The following TPO variants were observed in gnomAD, a reference collection of about 807,000 sequenced individuals.
The protein encoded by TPO is thyroid microsomal antigen.
Under a neutral mutation model 96.9 loss-of-function variants are expected in TPO, and 78 were observed. That is an observed-to-expected ratio of 0.81 (90% confidence interval 0.67 to 0.97). The LOEUF (loss-of-function observed/expected upper bound fraction) is 0.97. Ranked by LOEUF, TPO falls within the 50% of genes least tolerant of loss-of-function variation. The pLI is 0.00. For missense variants in TPO, 1,252 were observed against 1,274.8 expected (o/e 0.98, Z 0.27); for synonymous variants, 547 against 538.0 (o/e 1.02, Z -0.23).
chr2:1,388,947 C>G (rs1661950361), intron 1 of TPO, among the ~76,000 whole-genome samples: 1 of 152,120 alleles, frequency 6.6e-6, no homozygotes, highest in Non-Finnish European at 1.5e-5. Context: ...ACACTTTTGC[C>G]CCAAATAAGT....
At chr2:1,424,414 C>T (rs756414154) in intron 3 of TPO, among the ~76,000 whole-genome samples, 5 of 152,172 alleles carry the variant, frequency 3.3e-5, no homozygotes, top group Non-Finnish European at 5.9e-5. Context: ...TGACCCACCA[C>T]CTTCCATCGT....
At chr2:1,524,934 C>G (rs1676080003) in intron 15 of TPO, among the ~76,000 whole-genome samples, 1 of 133,672 alleles carries the variant, frequency 7.5e-6, no homozygotes, top group African/African-American at 2.8e-5. Flanking sequence ...TGTGCAACCT[C>G]CTCAAATCCC....
intron 14 of TPO, chr2:1,512,388 C>T (rs1674244168): frequency 5.1e-6 from 5 of 985,342 alleles, no homozygotes; most frequent in South Asian, 4.7e-5. Context: ...TCTGCCTCTC[C>T]AGATCCTGCC....
chr2:1,404,861 G>GTCC (rs956870582), intron 1 of TPO, among the ~76,000 whole-genome samples: 3 of 152,124 alleles, frequency 2.0e-5, no homozygotes, highest in Admixed American at 6.5e-5. Flanking sequence ...TTATAATCCA[G>GTCC]TCCTTTTTTC....
At chr2:1,535,334 C>T (rs1679364029) in intron 15 of TPO, among the ~76,000 whole-genome samples, 1 of 80,300 alleles carries the variant, frequency 1.2e-5, no homozygotes, top group African/African-American at 4.6e-5. Flanking sequence ...ATCCCCCCCA[C>T]TGTATGCAAC....
intron 7 of TPO, among the ~76,000 whole-genome samples, chr2:1,470,019 T>C (rs757066099): frequency 1.3e-5 from 2 of 152,202 alleles, no homozygotes; most frequent in Non-Finnish European, 2.9e-5. Context: ...CCTCCTCATG[T>C]TGGAATTTTA....
At chr2:1,384,577 G>T (rs567439662) in intron 1 of TPO, among the ~76,000 whole-genome samples, 55 of 152,314 alleles carry the variant, frequency 3.6e-4, no homozygotes, top group African/African-American at 1.3e-3. Context: ...CTGAGACTTT[G>T]CTGAAGTTGC....
chr2:1,528,352 T>A (rs866434366), intron 15 of TPO, among the ~76,000 whole-genome samples: 889 of 49,976 alleles, frequency 0.018, 20 homozygotes, highest in African/African-American at 0.069. Context: ...ACCCCCCAAG[T>A]CCCCCCATTG....
At chr2:1,394,848 G>A (rs989178472) in intron 1 of TPO, among the ~76,000 whole-genome samples, 1 of 152,164 alleles carries the variant, frequency 6.6e-6, no homozygotes, top group African/African-American at 2.4e-5. Context: ...GATGGGCCAT[G>A]AGAGTGTTGA....
At chr2:1,517,400 T>G (rs1674819888) in intron 15 of TPO, among the ~76,000 whole-genome samples, 1 of 152,240 alleles carries the variant, frequency 6.6e-6, no homozygotes, top group Non-Finnish European at 1.5e-5. Flanking sequence ...GAAGTTGAAC[T>G]TTCATGTTAA....
intron 2 of TPO, 43 bp downstream of exon 2, chr2:1,414,545 A>C: frequency 6.4e-7 from 1 of 1,574,794 alleles, no homozygotes; most frequent in East Asian, 2.2e-5. Context: ...TTATAAAGTT[A>C]TTTTTCACAC....
At chr2:1,500,013 C>T (rs568373984) in intron 13 of TPO, among the ~76,000 whole-genome samples, 2 of 152,350 alleles carry the variant, frequency 1.3e-5, no homozygotes, top group African/African-American at 4.8e-5. Context: ...CAGCCACACC[C>T]AGAACAATTA....
intron 10 of TPO, among the ~76,000 whole-genome samples, chr2:1,490,536 G>A (rs1671680638): frequency 6.6e-6 from 1 of 152,002 alleles, no homozygotes; most frequent in Non-Finnish European, 1.5e-5. Context: ...CCTGCGGCCT[G>A]CAGTTCGAAG....
chr2:1,413,689 A>AC, intron 1 of TPO, 144 bp downstream of exon 1: 1 of 985,440 alleles, frequency 1.0e-6, no homozygotes, highest in South Asian at 4.7e-5. Context: ...TGACTGACTG[A>AC]TGAGTGCTGT....
At chr2:1,448,660 G>A (rs1319544435) in intron 5 of TPO, among the ~76,000 whole-genome samples, 1 of 152,202 alleles carries the variant, frequency 6.6e-6, no homozygotes, top group Non-Finnish European at 1.5e-5. Context: ...AGCCCAGTGT[G>A]TTTTTCCACG....
At chr2:1,512,668 T>G (rs930674370) in intron 14 of TPO, among the ~76,000 whole-genome samples, 4 of 152,230 alleles carry the variant, frequency 2.6e-5, no homozygotes, top group Admixed American at 6.5e-5. Flanking sequence ...AGCTGCCGTG[T>G]ACCTCCCTGA....
intron 14 of TPO, among the ~76,000 whole-genome samples, chr2:1,508,054 T>G (rs1220237617): frequency 1.4e-4 from 21 of 151,670 alleles, no homozygotes; most frequent in Middle Eastern, 3.2e-3. Context: ...TTTGAGATAC[T>G]TCCCATCAAT....
chr2:1,382,059 T>C (rs1661818753), intron 1 of TPO, among the ~76,000 whole-genome samples: 1 of 152,076 alleles, frequency 6.6e-6, no homozygotes, highest in Admixed American at 6.6e-5. Context: ...TCACCTGCAG[T>C]CTATCTTTTG....
At chr2:1,541,702 TTAATTTGATA>T (rs1454789394) in intron 16 of TPO, 1 of 152,350 alleles carries the variant, frequency 6.6e-6, no homozygotes, top group Non-Finnish European at 1.5e-5. Flanking sequence ...GATATGTTAA[TTAATTTGATA>T]TAATCTCTCC....
Sources: allele counts gnomAD v4.1 joint callset (sites outside exome capture counted in the v4.1 genomes callset), GRCh38; gene constraint gnomAD v4.1.1; transcripts MANE v1.5; gene names NCBI Gene and HGNC (gene_info 2026-07-23, HGNC 2026-07-21).